Variants in FMNL3 observed in about 807,000 individuals in gnomAD.
The protein encoded by FMNL3 is formin like 3, also known as formin-like protein 3.
Under a neutral mutation model 119.6 loss-of-function variants are expected in FMNL3, and 57 were observed. The observed-to-expected ratio is 0.48, with a 90% CI of 0.39 to 0.59. The LOEUF is 0.59. Among genes scored for constraint, FMNL3 ranks in the 20% least tolerant of loss-of-function variants. The pLI is 0.00. For synonymous variants in FMNL3, 491 were observed against 507.3 expected, an observed-to-expected ratio of 0.97 and a Z score of 0.43; for missense variants, 1,053 against 1,323.5, an observed-to-expected ratio of 0.80 and a Z score of 3.17.
In FMNL3 at chr12:49,641,212, GTTTT is replaced by G. The variant is rs1006931062; in HGVS notation, c.*4599_*4602del. The G allele has an allele frequency of 2.6e-5, 4 of 152,282 alleles. No homozygotes were observed. Among genetic ancestry groups the G allele is most frequent in the Non-Finnish European group, 5.9e-5 (4 of 68,080 alleles). The allele number at this position is 152,282 out of a possible 1,614,324, so 9.4% of individuals were successfully genotyped here. On this transcript the variant is annotated 3_prime_UTR_variant, in exon 26 of 26. Transcript: ENST00000335154. Reference sequence around the variant, plus strand: ...AGCATAGAGCCTGGCCTGTGGACATGTTTTTAGTATTGGTGGGGAGCTGCACACC... The same window carrying G: ...AGCATAGAGCCTGGCCTGTGGACATGTAGTATTGGTGGGGAGCTGCACACC...
At chr12:49,704,710 C>CAAAAAAAAAAAAAAA (rs59799899) in intron 1 of FMNL3, among the ~76,000 whole-genome samples, 8 of 37,838 alleles carry the variant, frequency 2.1e-4, no homozygotes, top group Non-Finnish European at 3.9e-4. Flanking sequence ...AACTCCATCT[C>CAAAAAAAAAAAAAAA]AAAAAAAAAA....
chr12:49,641,706 C>T lies in FMNL3; in HGVS notation c.*4109G>A. ...TCCCAACCCCTTCAGCTCTGTGTGA[C>T]ATCCAAACCAAGGGTAGGCATGGGG... On this transcript the variant is annotated 3_prime_UTR_variant, in exon 26 of 26. Transcript: ENST00000335154. 1.7e-6 allele frequency: 1 copy of T among 582,532 alleles called. No individual in the cohort carries two copies. Among genetic ancestry groups the T allele is most frequent in the Non-Finnish European group, 3.1e-6 (1 of 326,990 alleles). The allele number at this position is 582,532 out of a possible 1,614,324, so 36.1% of individuals were successfully genotyped here. A position where few individuals can be genotyped will look rare whatever the true frequency, so the allele number is the denominator to read the frequency against.
intron 10 of FMNL3, 91 bp from the exon 11 acceptor site, chr12:49,654,393 A>T: frequency 1.1e-6 from 1 of 950,716 alleles, no homozygotes; most frequent in Non-Finnish European, 1.7e-6. Flanking sequence ...GAATATCATC[A>T]TCATGTGGAT....
intron 1 of FMNL3, among the ~76,000 whole-genome samples, chr12:49,669,546 T>C (rs1158943882): frequency 6.6e-6 from 1 of 152,150 alleles, no homozygotes; most frequent in African/African-American, 2.4e-5. Flanking sequence ...CTAAAGGCAG[T>C]CTGGGCCAGA....
chr12:49,663,675 C>A (rs1336664668), intron 4 of FMNL3, among the ~76,000 whole-genome samples: 1 of 152,242 alleles, frequency 6.6e-6, no homozygotes, highest in Admixed American at 6.5e-5. Flanking sequence ...CAAGAGGCCC[C>A]AGGCCTGGGA....
Position 49,657,204 on chromosome 12 carries a change from C to T in FMNL3, c.606-14G>A. On this transcript the variant is annotated splice_polypyrimidine_tract_variant and intron_variant, in intron 6 of 25. Coordinates refer to ENST00000335154, the MANE Select transcript of FMNL3 (RefSeq NM_175736.5). ...AGAGTGCTATACCTGGGGAGATGGG[C>T]CAGGCAGTCAGGTGGGAGCTGAGGC... The T allele has an allele frequency of 6.2e-7, 1 of 1,603,288 alleles. No homozygotes were observed. The highest frequency in any genetic ancestry group is 8.5e-7 in the Non-Finnish European group (1 of 1,170,422).
At chr12:49,675,636 G>A (rs1386251275) in intron 1 of FMNL3, among the ~76,000 whole-genome samples, 12 of 152,252 alleles carry the variant, frequency 7.9e-5, no homozygotes, top group African/African-American at 2.4e-4. Flanking sequence ...TGGGTGGGCC[G>A]TTACTGTTCA....
chr12:49,694,769 G>A (rs1045936416), intron 1 of FMNL3, among the ~76,000 whole-genome samples: 2 of 152,010 alleles, frequency 1.3e-5, no homozygotes, highest in African/African-American at 2.4e-5. Context: ...AAAATTAGCC[G>A]GGTATAGTGG....
chr12:49,677,122 C>T (rs1176725607), intron 1 of FMNL3, among the ~76,000 whole-genome samples: 4 of 152,230 alleles, frequency 2.6e-5, no homozygotes, highest in African/African-American at 9.7e-5. Context: ...CAATTCACAA[C>T]AGGTGAAATC....
chr12:49,637,421 C>T lies in FMNL3; in HGVS notation c.*8394G>A. The T allele has an allele frequency of 1.5e-6, 2 of 1,332,434 alleles. No homozygotes were observed. The highest frequency in any genetic ancestry group is 2.1e-6 in the Non-Finnish European group (2 of 931,290). 82.5% of individuals were successfully genotyped at this position (1,332,434 alleles called of 1,614,324 possible). A position where few individuals can be genotyped will look rare whatever the true frequency, so the allele number is the denominator to read the frequency against. ...CCCTCTCTTCCCCCTCAGTCTGTGG[C>T]TCTGCCTCCCTGTCTCACTCTCCCT... is the stretch of plus-strand genomic sequence containing the variant. On this transcript the variant is annotated 3_prime_UTR_variant, in exon 26 of 26. Transcript: ENST00000335154.
In FMNL3 at chr12:49,636,596, C is replaced by A. The variant is rs1941837333; in HGVS notation, c.*9219G>T. The A allele has an allele frequency of 2.1e-6, 3 of 1,423,968 alleles. No homozygotes were observed. Among genetic ancestry groups the A allele is most frequent in the East Asian group, 2.3e-5 (1 of 43,482 alleles). 88.2% of individuals were successfully genotyped at this position (1,423,968 alleles called of 1,614,324 possible). ...CACAGAGCCCCCTCCAGGCCCTTCCCCCACCACCCTGGGTATCCCTAGCAC... is the reference window on the plus strand; with the variant it reads ...CACAGAGCCCCCTCCAGGCCCTTCCACCACCACCCTGGGTATCCCTAGCAC... On this transcript the variant is annotated 3_prime_UTR_variant, in exon 26 of 26. Transcript: ENST00000335154.
intron 1 of FMNL3, among the ~76,000 whole-genome samples, chr12:49,672,120 C>T (rs1388431792): frequency 6.6e-6 from 1 of 152,236 alleles, no homozygotes; most frequent in Admixed American, 6.5e-5. Context: ...GTTCTGATGT[C>T]CGAGGGACCT....
intron 1 of FMNL3, among the ~76,000 whole-genome samples, chr12:49,679,723 G>A (rs936125089): frequency 4.0e-5 from 6 of 151,872 alleles, no homozygotes; most frequent in Admixed American, 1.3e-4. Context: ...GTTTCACCAC[G>A]TTGTCCAGGC....
rs764779493 is a variant in FMNL3, at chr12:49,655,442, TAAAG to T, written c.886-462_886-459del. Among the ~76,000 whole-genome samples the T allele has an allele frequency of 1.4e-4, 22 of 151,832 alleles. 1 individual carries two copies. The highest frequency in any genetic ancestry group is 2.6e-4 in the Non-Finnish European group (18 of 67,950). ...TGAGACTCCATCTCAAAAAAGAAAA[TAAAG>T]AAAACTGGGACCTGCAATCTGGCTC... On this transcript the variant is annotated intron_variant, in intron 9 of 25. Transcript: ENST00000335154.
chr12:49,643,589 C>A lies in FMNL3; in HGVS notation c.*2226G>T. 7.1e-7 allele frequency: 1 copy of A among 1,401,078 alleles called. No homozygotes were observed. Among genetic ancestry groups the A allele is most frequent in the Non-Finnish European group, 9.7e-7 (1 of 1,031,378 alleles). The allele number at this position is 1,401,078 out of a possible 1,614,324, so 86.8% of individuals were successfully genotyped here. A position where few individuals can be genotyped will look rare whatever the true frequency, so the allele number is the denominator to read the frequency against. On this transcript the variant is annotated 3_prime_UTR_variant, in exon 26 of 26. Coordinates refer to ENST00000335154, the MANE Select transcript of FMNL3 (RefSeq NM_175736.5). Reference sequence around the variant, plus strand: ...AAACTGGACTTAGACTTCCTCAGAGCATGAGGTTCCTGCCTGTGAAGAATG... The same window carrying A: ...AAACTGGACTTAGACTTCCTCAGAGAATGAGGTTCCTGCCTGTGAAGAATG...
Position 49,649,921 on chromosome 12 carries a change from C to A in FMNL3, c.2005G>T (p.Asp669Tyr). Residue 669 changes from aspartate (D) to tyrosine (Y), a missense_variant, in exon 18 of 26, where the codon GAC (aspartate) becomes TAC (tyrosine). Asp to Tyr is a radical substitution (Grantham distance 160). Coordinates refer to ENST00000335154, the MANE Select transcript of FMNL3 (RefSeq NM_175736.5). The surrounding 1 kb of genome is among the most constrained non-coding windows in gnomAD (Gnocchi z 5.6). ...AAGTCCACAGGTAGTGTCTGCAAGT[C>A]AAACCTGTGGAGGAGGGAGGGACCA... Reference protein sequence around the residue: ...EEICRAIHTFDLQTLPVDFVE... With the variant: ...EEICRAIHTFYLQTLPVDFVE... 2 of 1,613,006 alleles carry A rather than the reference C, an allele frequency of 1.2e-6. No homozygotes were observed. The highest frequency in any genetic ancestry group is 2.2e-5 in the South Asian group (2 of 90,998).
Position 49,648,367 on chromosome 12 carries a change from G to C in FMNL3, c.2516-14C>G. ...TCTCCAGGGACACTGGTCACCAAAA[G>C]CCTGGCTGAGGAATGCCTAGGGCCT... On this transcript the variant is annotated splice_polypyrimidine_tract_variant and intron_variant, in intron 21 of 25. Coordinates refer to ENST00000335154, the MANE Select transcript of FMNL3 (RefSeq NM_175736.5). 1 of 1,605,818 alleles carries C rather than the reference G, an allele frequency of 6.2e-7. No individual in the cohort carries two copies. The highest frequency in any genetic ancestry group is 1.3e-5 in the African/African-American group (1 of 74,838).
rs1373404462 is a variant in FMNL3 at position 49,644,077 on chromosome 12, G to C, written c.*1738C>G. The C allele has an allele frequency of 1.2e-6, 2 of 1,614,208 alleles. No homozygotes were observed. Among genetic ancestry groups the C allele is most frequent in the Non-Finnish European group, 1.7e-6 (2 of 1,180,034 alleles). On this transcript the variant is annotated 3_prime_UTR_variant, in exon 26 of 26. Coordinates refer to ENST00000335154, the MANE Select transcript of FMNL3 (RefSeq NM_175736.5). ...ACGGCCCTTAGTGCAGGCTAAGGGT[G>C]AACTGTGCCTTTGCTCCAACAGACA...
Position 49,637,993 on chromosome 12 carries a change from C to G in FMNL3, c.*7822G>C. ...GGATACAGTAATGAATACACAATTT[C>G]TACCACAGGAGCTCATGGTCTAATA... On this transcript the variant is annotated 3_prime_UTR_variant, in exon 26 of 26. Transcript: ENST00000335154. 1.7e-6 allele frequency: 1 copy of G among 599,544 alleles called. No individual in the cohort carries two copies. Among genetic ancestry groups the G allele is most frequent in the Non-Finnish European group, 3.0e-6 (1 of 336,866 alleles). 37.1% of individuals were successfully genotyped at this position (599,544 alleles called of 1,614,324 possible).
Sources: allele counts gnomAD v4.1 joint callset (sites outside exome capture counted in the v4.1 genomes callset), GRCh38; gene constraint gnomAD v4.1.1; non-coding constraint Gnocchi (gnomAD v3.1); transcripts MANE v1.5; gene names NCBI Gene and HGNC (gene_info 2026-07-23, HGNC 2026-07-21).